Variants in ANO1 observed in about 807,000 individuals in gnomAD.
ANO1 encodes anoctamin-1.
A neutral mutation model predicts 124.0 loss-of-function variants in ANO1; 59 were observed. The ratio of observed to expected loss-of-function variants is 0.48; its 90% CI spans 0.39 to 0.59. The LOEUF (loss-of-function observed/expected upper bound fraction) is 0.59. ANO1 is among the 20% of genes least tolerant of loss of function. ANO1 has a pLI of 0.00. For synonymous variants in ANO1, 529 were observed against 532.0 expected (o/e 0.99, Z 0.08); for missense variants, 1,059 against 1,328.0 (o/e 0.80, Z 3.15).
In ANO1 at chr11:70,105,792, A is replaced by T. The variant is rs1455429780; in HGVS notation, c.747+4A>T. 1 of 1,613,182 alleles carries T rather than the reference A, an allele frequency of 6.2e-7. No homozygotes were observed. Among genetic ancestry groups the T allele is most frequent in the Non-Finnish European group, 8.5e-7 (1 of 1,179,466 alleles). Reference sequence around the variant, plus strand: ...CAGCAAAACCCGGAGCACGATTGTAAGTATCGCACGCGCCTGGAAACGGCT... The same window carrying T: ...CAGCAAAACCCGGAGCACGATTGTATGTATCGCACGCGCCTGGAAACGGCT... On this transcript the variant is annotated splice_donor_region_variant and intron_variant, in intron 5 of 25. Coordinates refer to ENST00000355303, the MANE Select transcript of ANO1 (RefSeq NM_018043.7).
chr11:70,036,222 C>G (rs2135044558), intron 1 of ANO1, among the ~76,000 whole-genome samples: 1 of 152,298 alleles, frequency 6.6e-6, no homozygotes, highest in African/African-American at 2.4e-5. Context: ...TCCCTGGTGA[C>G]TCCAGGTGTC....
At chr11:70,132,586 C>A (rs183881825) in intron 11 of ANO1, among the ~76,000 whole-genome samples, 69 of 152,346 alleles carry the variant, frequency 4.5e-4, no homozygotes, top group Non-Finnish European at 7.5e-4. Flanking sequence ...GGTCACTCAG[C>A]TCCTGATTGC....
intron 23 of ANO1, 81 bp from the exon 24 acceptor site, chr11:70,182,421 G>A (rs891356692): frequency 1.6e-6 from 2 of 1,239,052 alleles, no homozygotes; most frequent in Non-Finnish European, 2.2e-6. Flanking sequence ...CAGTGTAACT[G>A]TGGATGGGTC....
rs189853671 is a variant in ANO1, at chr11:70,029,967, C to T, written c.58+43801C>T. Among the ~76,000 whole-genome samples, 327 of 152,308 alleles carry T rather than the reference C, an allele frequency of 2.1e-3. 1 individual carries two copies. The highest frequency in any genetic ancestry group is 8.6e-3 in the Admixed American group (132 of 15,308). ...GATTAGGGCCACTGGAGGAGTGGGT[C>T]AAGAGGGCACTCCCCTCTGGGGAAG... is the stretch of plus-strand genomic sequence containing the variant. On this transcript the variant is annotated intron_variant, in intron 1 of 27. Coordinates refer to the ANO1 transcript ENST00000531349.
intron 19 of ANO1, 81 bp from the exon 20 acceptor site, chr11:70,165,389 A>C: frequency 1.7e-6 from 2 of 1,184,212 alleles, no homozygotes; most frequent in East Asian, 5.1e-5. Flanking sequence ...AACCCACAGC[A>C]TGAGGGTGGG....
chr11:70,112,849 G>A (rs1305929795), intron 7 of ANO1, among the ~76,000 whole-genome samples: 11 of 152,256 alleles, frequency 7.2e-5, no homozygotes, highest in South Asian at 2.1e-4. Context: ...GTGAGCCACC[G>A]TGCCCAGCCT....
chr11:69,998,959 A>C (rs531523620), intron 1 of ANO1, among the ~76,000 whole-genome samples: 1 of 151,870 alleles, frequency 6.6e-6, no homozygotes, highest in African/African-American at 2.4e-5. Context: ...AAAGAATAAA[A>C]GGAATACCTG....
intron 3 of ANO1, 65 bp downstream of exon 3, chr11:70,103,229 A>G (rs1408131583): frequency 2.3e-5 from 31 of 1,329,656 alleles, no homozygotes; most frequent in Non-Finnish European, 3.1e-5. Flanking sequence ...GACGCCTGGC[A>G]GTGAAACATG....
intron 1 of ANO1, chr11:70,056,107 A>G (rs1440336971): frequency 1.3e-5 from 2 of 151,974 alleles, no homozygotes; most frequent in Non-Finnish European, 2.9e-5. Context: ...TTCCTTTCCA[A>G]TGTTCTTTAT....
At chr11:69,986,612 G>A (rs1045601179) in intron 1 of ANO1, among the ~76,000 whole-genome samples, 3 of 152,102 alleles carry the variant, frequency 2.0e-5, no homozygotes, top group Admixed American at 6.5e-5. Flanking sequence ...ATTTATTTGT[G>A]ATATAAAGTC....
At chr11:70,004,108 G>A (rs138599160) in intron 1 of ANO1, among the ~76,000 whole-genome samples, 163 of 152,212 alleles carry the variant, frequency 1.1e-3, no homozygotes, top group African/African-American at 3.8e-3. Flanking sequence ...CTCCTTCAGC[G>A]GCCCCCAAAG....
chr11:70,106,468 C>T (rs1410135099), intron 5 of ANO1, among the ~76,000 whole-genome samples: 4 of 152,182 alleles, frequency 2.6e-5, no homozygotes, highest in Non-Finnish European at 5.9e-5. Flanking sequence ...AGGAGACAGT[C>T]AGGGTGACCT....
chr11:69,970,246 A>G, the ANO1 span, among the ~76,000 whole-genome samples: 1 of 152,092 alleles, frequency 6.6e-6, no homozygotes, highest in South Asian at 2.1e-4. Context: ...CCCGAGCAGA[A>G]CCCCGCGGCC....
chr11:70,098,070 G>A (rs1008077855), intron 2 of ANO1, among the ~76,000 whole-genome samples: 16 of 152,290 alleles, frequency 1.1e-4, no homozygotes, highest in Admixed American at 3.9e-4. Context: ...TGGGGCACCC[G>A]CCAAGGCTCC....
chr11:70,165,679 G>A (rs1262052549), intron 20 of ANO1, 109 bp downstream of exon 20: 2 of 844,690 alleles, frequency 2.4e-6, no homozygotes, highest in African/African-American at 1.7e-5. Flanking sequence ...CCAAGATGGG[G>A]GCACTAGAAG....
chr11:70,170,265 G>T, intron 21 of ANO1: 1 of 421,812 alleles, frequency 2.4e-6, no homozygotes, highest in Admixed American at 2.9e-5. Flanking sequence ...CACAGGCTGG[G>T]CCTTTGAGCT....
intron 1 of ANO1, among the ~76,000 whole-genome samples, chr11:70,027,122 C>T (rs1459426008): frequency 3.3e-5 from 5 of 152,170 alleles, no homozygotes; most frequent in Non-Finnish European, 7.3e-5. Flanking sequence ...TCTCTCTTCA[C>T]GGTACTCATC....
the ANO1 span, among the ~76,000 whole-genome samples, chr11:69,974,866 A>G: frequency 1.3e-5 from 2 of 150,020 alleles, no homozygotes; most frequent in Non-Finnish European, 3.0e-5. Flanking sequence ...TATCTGAAAA[A>G]GACTAGGATG....
intron 1 of ANO1, among the ~76,000 whole-genome samples, chr11:70,048,885 A>G (rs113595467): frequency 1.3e-5 from 2 of 152,168 alleles, no homozygotes; most frequent in African/African-American, 4.8e-5. Context: ...AGGATCCTGG[A>G]CAGTGTGTTT....
Sources: allele counts gnomAD v4.1 joint callset (sites outside exome capture counted in the v4.1 genomes callset), GRCh38; gene constraint gnomAD v4.1.1; transcripts MANE v1.5; gene names NCBI Gene and HGNC (gene_info 2026-07-23, HGNC 2026-07-21).